Variants in ARMC9 observed in about 807,000 individuals in gnomAD.
ARMC9 encodes the protein armadillo repeat containing 9.
A neutral mutation model predicts 107.0 loss-of-function variants in ARMC9; 94 were observed. The observed-to-expected ratio is 0.88, with a 90% CI of 0.74 to 1.04. The LOEUF is 1.04. Among genes scored for constraint, ARMC9 ranks in the 50% least tolerant of loss-of-function variants. ARMC9 has a pLI of 0.00. For missense variants in ARMC9, 942 were observed against 1,030.1 expected (o/e 0.91, Z 1.17); for synonymous variants, 380 against 396.9 (o/e 0.96, Z 0.51).
chr2:231,293,264 A>G (rs1266081234), intron 18 of ARMC9, among the ~76,000 whole-genome samples: 1 of 152,168 alleles, frequency 6.6e-6, no homozygotes, highest in Non-Finnish European at 1.5e-5. Flanking sequence ...AAATAAAAAT[A>G]AGACCTGAAC....
chr2:231,240,187 A>G, intron 9 of ARMC9, 146 bp downstream of exon 9: 2 of 735,394 alleles, frequency 2.7e-6, no homozygotes, highest in Non-Finnish European at 4.5e-6. Flanking sequence ...CTAGAAGGAA[A>G]ATAAATCTGT....
At chr2:231,270,781 TCTGA>T (rs1224850362) in intron 12 of ARMC9, 197 bp from the exon 13 acceptor site, 2 of 688,602 alleles carry the variant, frequency 2.9e-6, no homozygotes, top group African/African-American at 1.8e-5. Flanking sequence ...AATTTGGAAG[TCTGA>T]CTAACTTATT....
intron 19 of ARMC9, among the ~76,000 whole-genome samples, chr2:231,314,004 C>T (rs934726181): frequency 1.3e-5 from 2 of 150,378 alleles, no homozygotes; most frequent in Non-Finnish European, 3.0e-5. Context: ...AAGTGATCTT[C>T]CCACCTTGAC....
chr2:231,318,798 C>T (rs576163653), intron 19 of ARMC9, among the ~76,000 whole-genome samples: 1 of 152,310 alleles, frequency 6.6e-6, no homozygotes, highest in South Asian at 2.1e-4. Flanking sequence ...ATTGCCTGAC[C>T]TACTCCTGTT....
At chr2:231,313,606 A>G (rs1173663177) in intron 19 of ARMC9, among the ~76,000 whole-genome samples, 1 of 152,194 alleles carries the variant, frequency 6.6e-6, no homozygotes, top group African/African-American at 2.4e-5. Context: ...ATCACCCTGC[A>G]AAGCTCCCTT....
Position 231,360,254 on chromosome 2 carries a change from C to T in ARMC9, c.2132-500C>T, listed in dbSNP as rs1165761639. The stretch of plus-strand genomic sequence containing the variant: ...CAGCACAAGTCACTGGGAGTTAGGG[C>T]ACTTCCTGGCCACCCTGGGTGTACC... On this transcript the variant is annotated intron_variant, in intron 22 of 24. Transcript: ENST00000611582. This position sits in a 1 kb window ranked among gnomAD's most constrained non-coding sequence, Gnocchi z 4.7. Among the ~76,000 whole-genome samples, 1 of 152,150 alleles carries T rather than the reference C, an allele frequency of 6.6e-6. No individual in the cohort carries two copies. Among genetic ancestry groups the T allele is most frequent in the Non-Finnish European group, 1.5e-5 (1 of 68,010 alleles).
intron 19 of ARMC9, among the ~76,000 whole-genome samples, chr2:231,326,486 C>T (rs920324798): frequency 1.3e-5 from 2 of 152,200 alleles, no homozygotes; most frequent in Non-Finnish European, 2.9e-5. Flanking sequence ...CTGGGGCCTG[C>T]CTCTTATTCT....
rs367894831 is a variant in ARMC9 at position 231,208,178 on chromosome 2, T to C, written c.103T>C (p.Cys35Arg). 5 of 1,608,070 alleles carry C rather than the reference T, an allele frequency of 3.1e-6. No individual in the cohort carries two copies. The African/African-American group carries it at 6.7e-5, about 22-fold the overall frequency. Reference sequence around the variant, plus strand: ...CACCTTGAAAACATTTTCAAAAGAATGCAAAATAAAAGGAAAACCATTGTG... The same window carrying C: ...CACCTTGAAAACATTTTCAAAAGAACGCAAAATAAAAGGAAAACCATTGTG... ...EDTLKTFSKE[C>R]KIKGKPLCKT... Residue 35 changes from cysteine to arginine, a missense_variant, in exon 3 of 25, where the codon TGC becomes CGC. Coordinates refer to ENST00000611582, the MANE Select transcript of ARMC9 (RefSeq NM_001352754.2).
intron 19 of ARMC9, among the ~76,000 whole-genome samples, chr2:231,317,249 C>T (rs2042749221): frequency 6.6e-6 from 1 of 151,978 alleles, no homozygotes; most frequent in African/African-American, 2.4e-5. Flanking sequence ...TGGCTCACTG[C>T]AACCTCCGCC....
At chr2:231,369,338 G>T (rs1357926482) in intron 23 of ARMC9, among the ~76,000 whole-genome samples, 1 of 151,960 alleles carries the variant, frequency 6.6e-6, no homozygotes, top group Non-Finnish European at 1.5e-5. Flanking sequence ...TGTCACCCAG[G>T]CTGGAGTGCA....
chr2:231,365,388 G>T (rs138450408), intron 23 of ARMC9, among the ~76,000 whole-genome samples: 1 of 152,084 alleles, frequency 6.6e-6, no homozygotes, highest in African/African-American at 2.4e-5. Flanking sequence ...AAAATGCCTC[G>T]GGAGATGCTG....
At chr2:231,261,827 CTTT>C (rs776868487) in intron 11 of ARMC9, among the ~76,000 whole-genome samples, 1 of 145,018 alleles carries the variant, frequency 6.9e-6, no homozygotes, top group Non-Finnish European at 1.5e-5. Context: ...ATCACAGGTT[CTTT>C]TTTTTTTTTT....
intron 19 of ARMC9, among the ~76,000 whole-genome samples, chr2:231,305,265 T>G (rs1483584952): frequency 6.6e-6 from 1 of 152,256 alleles, no homozygotes; most frequent in African/African-American, 2.4e-5. Context: ...GCTGCCTTGG[T>G]TTGTGCTAAG....
At chr2:231,369,816 A>G in intron 23 of ARMC9, 137 bp from the exon 24 acceptor site, 1 of 974,200 alleles carries the variant, frequency 1.0e-6, no homozygotes, top group Non-Finnish European at 1.4e-6. Flanking sequence ...CTGGTCTCTA[A>G]CTCCTGACTT....
chr2:231,248,872 T>C (rs1381638476), intron 9 of ARMC9, among the ~76,000 whole-genome samples: 4 of 150,060 alleles, frequency 2.7e-5, no homozygotes, highest in African/African-American at 9.8e-5. Flanking sequence ...GATGGGGATG[T>C]GCCTCTGGCT....
intron 19 of ARMC9, among the ~76,000 whole-genome samples, chr2:231,314,073 T>G (rs1326943436): frequency 1.3e-5 from 2 of 151,046 alleles, no homozygotes; most frequent in Non-Finnish European, 3.0e-5. Flanking sequence ...TTTCTTTTTT[T>G]TTTTTTTTTT....
chr2:231,339,330 T>TG lies in ARMC9; in HGVS notation c.1879-5644dup, dbSNP rs756056597. On this transcript the variant is annotated intron_variant, in intron 20 of 24. Coordinates refer to ENST00000611582, the MANE Select transcript of ARMC9 (RefSeq NM_001352754.2). ...GGCGACAGAGCAAGACTCTGTCTTG[T>TG]GAAAAAAAAAAAAATTATATGTATT... 1.4e-4 allele frequency among the ~76,000 whole-genome samples: 21 copies of TG among 147,840 alleles called. No individual in the cohort carries two copies. In the South Asian group the frequency reaches 4.4e-3, roughly 31 times the overall value.
rs539455599 is a variant in ARMC9, at chr2:231,304,788, A to C, written c.1773+8535A>C. 4.6e-5 allele frequency among the ~76,000 whole-genome samples: 7 copies of C among 152,332 alleles called. No individual in the cohort carries two copies. In the South Asian group the frequency reaches 1.2e-3, roughly 27 times the overall value. Reference sequence around the variant, plus strand: ...AAAAGCCTTTAGGTATTGGGAAGCTATTGAGCTCACAATGGCAGATATAGG... The same window carrying C: ...AAAAGCCTTTAGGTATTGGGAAGCTCTTGAGCTCACAATGGCAGATATAGG... On this transcript the variant is annotated intron_variant, in intron 19 of 24. Coordinates refer to ENST00000611582, the MANE Select transcript of ARMC9 (RefSeq NM_001352754.2).
chr2:231,360,715 A>G lies in ARMC9; in HGVS notation c.2132-39A>G, dbSNP rs1182954839. 4 of 1,536,022 alleles carry G rather than the reference A, an allele frequency of 2.6e-6. No individual in the cohort carries two copies. The highest frequency in any genetic ancestry group is 3.9e-5 in the Admixed American group (2 of 50,980). On this transcript the variant is annotated intron_variant, in intron 22 of 24. Coordinates refer to ENST00000611582, the MANE Select transcript of ARMC9 (RefSeq NM_001352754.2). The surrounding 1 kb of genome is among the most constrained non-coding windows in gnomAD (Gnocchi z 4.7). ...GAGAGGGCATCCTTAGAGGGGCTCC[A>G]GAGCAGATGTGGACTGAACTTTCTC...
Sources: gnomAD v4.1 joint callset for allele counts (sites outside exome capture counted in the v4.1 genomes callset) on GRCh38, gnomAD v4.1.1 for gene constraint, Gnocchi (gnomAD v3.1) non-coding constraint, MANE v1.5 for transcripts, NCBI Gene and HGNC (gene_info 2026-07-23, HGNC 2026-07-21) for gene names.